EPHA3: variants seen among roughly 807,000 people sequenced by gnomAD.
EPHA3 encodes the protein ephrin type-A receptor 3.
Under a neutral mutation model 107.1 loss-of-function variants are expected in EPHA3, and 42 were observed. The ratio of observed to expected loss-of-function variants is 0.39; its 90% CI spans 0.31 to 0.51. The LOEUF is 0.51. Ranked by LOEUF, EPHA3 falls within the 20% of genes least tolerant of loss-of-function variation. The pLI is 0.78. For synonymous variants in EPHA3, 461 were observed against 424.8 expected (o/e 1.09, Z -1.05); for missense variants, 1,183 against 1,211.2 (o/e 0.98, Z 0.35).
At chr3:89,290,725 G>T (rs1706190665) in intron 3 of EPHA3, among the ~76,000 whole-genome samples, 1 of 151,988 alleles carries the variant, frequency 6.6e-6, no homozygotes, top group African/African-American at 2.4e-5. Context: ...TGATGAATTT[G>T]TTTTTATTGT....
intron 2 of EPHA3, among the ~76,000 whole-genome samples, chr3:89,128,993 C>T (rs1187669817): frequency 2.0e-5 from 3 of 152,032 alleles, no homozygotes; most frequent in Non-Finnish European, 4.4e-5. Context: ...TAAAGTGTGG[C>T]ACAGGGACAA....
chr3:89,390,287 C>A (rs988745560), intron 5 of EPHA3, among the ~76,000 whole-genome samples: 2 of 152,094 alleles, frequency 1.3e-5, no homozygotes, highest in Non-Finnish European at 2.9e-5. Context: ...CCATGCCTGG[C>A]CAATTATTAA....
At chr3:89,454,291 G>A (rs1710055344) in intron 15 of EPHA3, among the ~76,000 whole-genome samples, 1 of 152,032 alleles carries the variant, frequency 6.6e-6, no homozygotes, top group African/African-American at 2.4e-5. Flanking sequence ...CAGACATAAA[G>A]TCAATATTCT....
At chr3:89,209,212 A>C (rs1706203360) in intron 2 of EPHA3, among the ~76,000 whole-genome samples, 1 of 152,172 alleles carries the variant, frequency 6.6e-6, no homozygotes, top group South Asian at 2.1e-4. Context: ...AGGCTTTAAG[A>C]ATCGAATGTT....
rs189249136 is a variant in EPHA3, at chr3:89,265,733, A to T, written c.814+55213A>T. 3.5e-3 allele frequency among the ~76,000 whole-genome samples: 527 copies of T among 151,654 alleles called. 2 individuals carry two copies. Among genetic ancestry groups the T allele is most frequent in the Middle Eastern group, 0.021 (6 of 292 alleles). Reference sequence around the variant, plus strand: ...GACATCAAGGAGTAAGCAATGCATCACTCCTTTTGTCATGTGGACATTATG... The same window carrying T: ...GACATCAAGGAGTAAGCAATGCATCTCTCCTTTTGTCATGTGGACATTATG... On this transcript the variant is annotated intron_variant, in intron 3 of 16. Coordinates refer to ENST00000336596, the MANE Select transcript of EPHA3 (RefSeq NM_005233.6).
At position 89,345,903 on chromosome 3, in the gene EPHA3, G is replaced by C. The variant is rs948582588; in HGVS notation, c.1306+3813G>C. 3.9e-4 allele frequency among the ~76,000 whole-genome samples: 56 copies of C among 145,090 alleles called. 2 individuals are homozygous for C. The highest frequency in any genetic ancestry group is 1.5e-4 in the Non-Finnish European group (10 of 65,520). ...GTTCTTGCGATAGTTTACTGAGAAT[G>C]ATGATTTCCAATTTCATCCATGTCC... On this transcript the variant is annotated intron_variant, in intron 5 of 16. Transcript: ENST00000336596.
intron 3 of EPHA3, among the ~76,000 whole-genome samples, chr3:89,252,852 A>G (rs971939582): frequency 1.3e-5 from 2 of 149,420 alleles, no homozygotes; most frequent in African/African-American, 4.9e-5. Flanking sequence ...TATAATTTTT[A>G]TATACATTAT....
intron 3 of EPHA3, among the ~76,000 whole-genome samples, chr3:89,216,476 C>G (rs1285310178): frequency 6.6e-6 from 1 of 152,022 alleles, no homozygotes; most frequent in African/African-American, 2.4e-5. Context: ...TATAGTTCTC[C>G]TATCATCTTA....
intron 16 of EPHA3, among the ~76,000 whole-genome samples, chr3:89,476,884 AT>A (rs1462637571): frequency 6.6e-6 from 1 of 152,074 alleles, no homozygotes; most frequent in Non-Finnish European, 1.5e-5. Context: ...CTGGGATTAC[AT>A]TCCATGACTA....
At chr3:89,193,001 C>A (rs1276689126) in intron 2 of EPHA3, among the ~76,000 whole-genome samples, 1 of 151,930 alleles carries the variant, frequency 6.6e-6, no homozygotes, top group Non-Finnish European at 1.5e-5. Context: ...AATACATAAA[C>A]TTTGAATGAG....
rs1403698694 is a variant in EPHA3, at chr3:89,466,685, C to A, written c.2691-5779C>A. On this transcript the variant is annotated intron_variant, in intron 15 of 16. Transcript: ENST00000336596. ...GGTGAGGCAATGCCTCGCCCTGCTT[C>A]GGCTCGCGCACGGTGCGCACACACA... is the stretch of plus-strand genomic sequence containing the variant. Among the ~76,000 whole-genome samples, 4 of 131,686 alleles carry A rather than the reference C, an allele frequency of 3.0e-5. 1 individual carries two copies. Among genetic ancestry groups the A allele is most frequent in the African/African-American group, 8.5e-5 (3 of 35,184 alleles). The allele number at this position is 131,686 out of a possible 152,430, so 86.4% of individuals were successfully genotyped here. A position where few individuals can be genotyped will look rare whatever the true frequency, so the allele number is the denominator to read the frequency against.
chr3:89,156,030 A>G (rs1362718047), intron 2 of EPHA3, among the ~76,000 whole-genome samples: 2 of 152,052 alleles, frequency 1.3e-5, no homozygotes, highest in Admixed American at 1.3e-4. Context: ...TGATTGTTAA[A>G]CTAGTAAACT....
chr3:89,216,947 T>A (rs1232520834), intron 3 of EPHA3, among the ~76,000 whole-genome samples: 1 of 152,136 alleles, frequency 6.6e-6, no homozygotes, highest in Non-Finnish European at 1.5e-5. Context: ...GATCTTTTTT[T>A]CCCTCCTGAT....
rs1291352437 is a variant in EPHA3, at chr3:89,341,008, A to G, written c.907A>G (p.Asn303Asp). The change falls in exon 4 of 17, where the codon AAC becomes GAC. Residue 303 changes from asparagine (N) to aspartate (D), a missense_variant. By Grantham distance (23) the Asn-to-Asp change is conservative. Transcript: ENST00000336596. ...HSSTQEDGSMNCRCENNYFRA... is the reference protein window; with the variant it reads ...HSSTQEDGSMDCRCENNYFRA... ...TTCTACTCAGGAAGATGGTTCAATG[A>G]ACTGCAGGTGTGAGAATAATTACTT... 2.5e-6 allele frequency: 4 copies of G among 1,614,184 alleles called. No homozygotes were observed. The highest frequency in any genetic ancestry group is 3.4e-6 in the Non-Finnish European group (4 of 1,180,016).
At chr3:89,164,816 A>T (rs1705028925) in intron 2 of EPHA3, among the ~76,000 whole-genome samples, 1 of 152,238 alleles carries the variant, frequency 6.6e-6, no homozygotes, top group Admixed American at 6.5e-5. Flanking sequence ...CAGAATAGTC[A>T]CAGTATATCT....
chr3:89,432,774 G>T (rs959113843), intron 13 of EPHA3, among the ~76,000 whole-genome samples: 5 of 151,406 alleles, frequency 3.3e-5, no homozygotes, highest in Non-Finnish European at 7.4e-5. Flanking sequence ...TACAAAAATG[G>T]GATTATACTT....
At chr3:89,420,994 T>C (rs1709342845) in intron 11 of EPHA3, among the ~76,000 whole-genome samples, 1 of 151,492 alleles carries the variant, frequency 6.6e-6, no homozygotes, top group Admixed American at 6.6e-5. Flanking sequence ...GGTAATTAGC[T>C]TGTATAACTA....
intron 1 of EPHA3, among the ~76,000 whole-genome samples, chr3:89,111,165 C>A (rs980915875): frequency 2.6e-5 from 4 of 151,874 alleles, no homozygotes; most frequent in African/African-American, 9.7e-5. Context: ...GGAAACTATG[C>A]AATTGTTTAA....
chr3:89,218,945 A>G (rs1704284269), intron 3 of EPHA3, among the ~76,000 whole-genome samples: 1 of 152,192 alleles, frequency 6.6e-6, no homozygotes, highest in African/African-American at 2.4e-5. Flanking sequence ...ATCTAGAACT[A>G]GAAGCATCTT....
Sources: gnomAD v4.1 joint callset for allele counts (sites outside exome capture counted in the v4.1 genomes callset) on GRCh38, gnomAD v4.1.1 for gene constraint, MANE v1.5 for transcripts, NCBI Gene and HGNC (gene_info 2026-07-23, HGNC 2026-07-21) for gene names.